Variants in BTC observed in about 807,000 individuals in gnomAD.
BTC encodes betacellulin.
In BTC, 13 loss-of-function variants were observed where a neutral mutation model predicts 18.1. The ratio of observed to expected loss-of-function variants is 0.72; its 90% confidence interval spans 0.47 to 1.14. The LOEUF (loss-of-function observed/expected upper bound fraction) is 1.14, where lower values mean the gene tolerates loss of function less well. Ranked by LOEUF, BTC falls within the 50% of genes most tolerant of loss-of-function variation. The pLI is 0.00. For missense variants in BTC, 247 were observed against 224.2 expected (o/e 1.10, Z -0.65); for synonymous variants, 83 against 79.4 (o/e 1.05, Z -0.24).
rs1047716097 is a variant in BTC, at chr4:74,789,513, G to C, written c.64+4749C>G. Among the ~76,000 whole-genome samples, 12 of 151,984 alleles carry C rather than the reference G, an allele frequency of 7.9e-5. No individual in the cohort carries two copies. The East Asian group carries it at 2.1e-3, about 27-fold the overall frequency. ...TCAAAATAATTCTGTGTCTCTAAATGATAGTTATCTTTATTAACATTCTAT... is the reference window on the plus strand; with the variant it reads ...TCAAAATAATTCTGTGTCTCTAAATCATAGTTATCTTTATTAACATTCTAT... On this transcript the variant is annotated intron_variant, in intron 1 of 5. Transcript: ENST00000395743.
At chr4:74,749,394 G>GGTTGCAGTGAGCCAAGATCACGCC (rs1419066266) in intron 4 of BTC, among the ~76,000 whole-genome samples, 9 of 151,840 alleles carry the variant, frequency 5.9e-5, no homozygotes, top group Non-Finnish European at 1.0e-4. Flanking sequence ...AGGAGGCAGA[G>GGTTGCAGTGAGCCAAGATCACGCC]GTTGCAGTGA....
chr4:74,751,225 G>C (rs1259065438), intron 3 of BTC, among the ~76,000 whole-genome samples: 1 of 152,156 alleles, frequency 6.6e-6, no homozygotes, highest in African/African-American at 2.4e-5. Flanking sequence ...ACGTTAGATA[G>C]AGAGAATGTT....
At chr4:74,779,046 GA>G (rs1008591095) in intron 1 of BTC, among the ~76,000 whole-genome samples, 2 of 151,540 alleles carry the variant, frequency 1.3e-5, no homozygotes, top group African/African-American at 2.4e-5. Flanking sequence ...CAGGAGCAAA[GA>G]AAAAAAGAAG....
chr4:74,772,827 A>G (rs746980412), intron 1 of BTC, among the ~76,000 whole-genome samples: 2 of 152,186 alleles, frequency 1.3e-5, no homozygotes, highest in Non-Finnish European at 2.9e-5. Context: ...ACTATCACTT[A>G]TAATTTAACC....
intron 4 of BTC, among the ~76,000 whole-genome samples, chr4:74,749,222 G>T (rs937628656): frequency 5.9e-5 from 9 of 152,140 alleles, no homozygotes; most frequent in African/African-American, 2.2e-4. Context: ...CTTGAGGTCA[G>T]GAGTTACCAG....
At chr4:74,759,579 A>T (rs1724696324) in intron 2 of BTC, among the ~76,000 whole-genome samples, 1 of 152,022 alleles carries the variant, frequency 6.6e-6, no homozygotes, top group Non-Finnish European at 1.5e-5. Flanking sequence ...TTTAAAATAT[A>T]TTTTAAAATA....
At chr4:74,784,208 G>A (rs1251458596) in intron 1 of BTC, among the ~76,000 whole-genome samples, 2 of 147,166 alleles carry the variant, frequency 1.4e-5, no homozygotes, top group Non-Finnish European at 3.0e-5. Context: ...CTCCAGGCTG[G>A]TTGACAGAGA....
chr4:74,765,260 G>A (rs1053746983), intron 2 of BTC, among the ~76,000 whole-genome samples: 3 of 151,534 alleles, frequency 2.0e-5, no homozygotes, highest in African/African-American at 7.3e-5. Flanking sequence ...TGAACAAATT[G>A]AAATTTTCAA....
intron 5 of BTC, among the ~76,000 whole-genome samples, chr4:74,747,138 G>A (rs1487155924): frequency 6.6e-6 from 1 of 152,174 alleles, no homozygotes; most frequent in Non-Finnish European, 1.5e-5. Flanking sequence ...AAGCCAGTTT[G>A]AGTTGGATTT....
intron 1 of BTC, among the ~76,000 whole-genome samples, chr4:74,776,503 T>A (rs1385843800): frequency 6.6e-6 from 1 of 152,204 alleles, no homozygotes; most frequent in Non-Finnish European, 1.5e-5. Context: ...ATCAAGGCTG[T>A]ATTTATTTTT....
intron 1 of BTC, among the ~76,000 whole-genome samples, chr4:74,777,568 G>A (rs1248394803): frequency 6.6e-6 from 1 of 152,032 alleles, no homozygotes; most frequent in African/African-American, 2.4e-5. Flanking sequence ...TGTACTTAAT[G>A]AGACAAAACT....
intron 3 of BTC, among the ~76,000 whole-genome samples, chr4:74,751,647 T>C (rs569230354): frequency 6.6e-6 from 1 of 152,310 alleles, no homozygotes; most frequent in South Asian, 2.1e-4. Context: ...TTGACCAAGC[T>C]GGGGCTTGTC....
intron 1 of BTC, among the ~76,000 whole-genome samples, chr4:74,776,401 T>G (rs878925447): frequency 6.6e-6 from 1 of 152,140 alleles, no homozygotes; most frequent in Non-Finnish European, 1.5e-5. Context: ...TGACTAGAAA[T>G]TAGTCCTTAT....
intron 1 of BTC, among the ~76,000 whole-genome samples, chr4:74,780,120 C>T (rs1273964300): frequency 6.6e-6 from 1 of 152,050 alleles, no homozygotes; most frequent in Non-Finnish European, 1.5e-5. Flanking sequence ...GAAACAATGG[C>T]CTTCTTGGTG....
chr4:74,782,050 G>T (rs1388124463), intron 1 of BTC, among the ~76,000 whole-genome samples: 1 of 152,044 alleles, frequency 6.6e-6, no homozygotes, highest in East Asian at 1.9e-4. Context: ...CAGGCACTAT[G>T]CTAGACCCTG....
intron 1 of BTC, among the ~76,000 whole-genome samples, chr4:74,772,673 A>T (rs1471061393): frequency 6.6e-6 from 1 of 151,856 alleles, no homozygotes; most frequent in African/African-American, 2.4e-5. Context: ...AAAAAACTCT[A>T]AATCTCATAG....
chr4:74,761,709 A>C (rs1418631544), intron 2 of BTC, among the ~76,000 whole-genome samples: 4 of 152,162 alleles, frequency 2.6e-5, no homozygotes, highest in African/African-American at 9.7e-5. Flanking sequence ...GCTGCATTCA[A>C]AATACATGCA....
rs1412782836 is a variant in BTC, at chr4:74,794,384, C to T, written c.-59G>A. ...ACAAGTCTCCCTCCTTCTTCGCCCC[C>T]TTCCCGGGCCTCGGGCGCCTGAGAG... On this transcript the variant is annotated 5_prime_UTR_variant, in exon 1 of 6. Coordinates refer to ENST00000395743, the MANE Select transcript of BTC (RefSeq NM_001729.4). The T allele has an allele frequency of 8.3e-6, 12 of 1,453,138 alleles. No homozygotes were observed. The highest frequency in any genetic ancestry group is 2.7e-5 in the South Asian group (2 of 73,112). The allele number at this position is 1,453,138 out of a possible 1,614,324, so 90.0% of individuals were successfully genotyped here. A position where few individuals can be genotyped will look rare whatever the true frequency, so the allele number is the denominator to read the frequency against.
At chr4:74,787,595 C>T (rs1281863581) in intron 1 of BTC, among the ~76,000 whole-genome samples, 1 of 152,136 alleles carries the variant, frequency 6.6e-6, no homozygotes, top group East Asian at 1.9e-4. Context: ...TCTTGACCAA[C>T]TTATGTGTGA....
Sources: allele counts gnomAD v4.1 joint callset (sites outside exome capture counted in the v4.1 genomes callset), GRCh38; gene constraint gnomAD v4.1.1; transcripts MANE v1.5; gene names NCBI Gene and HGNC (gene_info 2026-07-23, HGNC 2026-07-21).